The following CDH10 variants were observed in gnomAD, a reference collection of about 807,000 sequenced individuals.
CDH10 encodes cadherin-10.
A neutral mutation model predicts 73.1 loss-of-function variants in CDH10; 30 were observed. The ratio of observed to expected loss-of-function variants is 0.41; its 90% confidence interval spans 0.31 to 0.56. The LOEUF is 0.56. CDH10 is among the 20% of genes least tolerant of loss of function. CDH10 has a pLI of 0.27. For missense variants in CDH10, 815 were observed against 973.7 expected (o/e 0.84, Z 2.17); for synonymous variants, 345 against 348.2 (o/e 0.99, Z 0.10).
intron 5 of CDH10, among the ~76,000 whole-genome samples, chr5:24,525,911 G>C (rs16893489): frequency 0.025 from 3,789 of 152,148 alleles, 73 homozygotes; most frequent in Middle Eastern, 0.1. Flanking sequence ...CTCAAAAATG[G>C]TCTCCAAGTT....
intron 5 of CDH10, among the ~76,000 whole-genome samples, chr5:24,521,313 G>T (rs766252182): frequency 6.6e-6 from 1 of 152,142 alleles, no homozygotes; most frequent in Non-Finnish European, 1.5e-5. Flanking sequence ...GAGAGGCCGA[G>T]GTGGGCGGAT....
intron 2 of CDH10, among the ~76,000 whole-genome samples, chr5:24,561,029 G>A (rs1032103067): frequency 6.6e-6 from 1 of 152,002 alleles, no homozygotes; most frequent in African/African-American, 2.4e-5. Flanking sequence ...AATGACAATC[G>A]TTGTCTTGCA....
chr5:24,515,179 T>G (rs1195297156), intron 5 of CDH10, among the ~76,000 whole-genome samples: 1 of 152,150 alleles, frequency 6.6e-6, no homozygotes, highest in Middle Eastern at 3.2e-3. Flanking sequence ...GCTAATAAAA[T>G]TGAGTACTTA....
chr5:24,629,341 T>G lies in CDH10; in HGVS notation c.-124+15253A>C, dbSNP rs532369423. 4.6e-5 allele frequency among the ~76,000 whole-genome samples: 7 copies of G among 152,244 alleles called. 1 individual carries two copies. The South Asian group carries it at 1.4e-3, about 32-fold the overall frequency. On this transcript the variant is annotated intron_variant, in intron 1 of 11. Transcript: ENST00000264463. ...AAACCACCCAGCAAGAATTTTAAAA[T>G]ATATTTCACCATACCATAACTTCAA... is the stretch of plus-strand genomic sequence containing the variant.
chr5:24,630,698 A>G (rs2112194953), intron 1 of CDH10, among the ~76,000 whole-genome samples: 1 of 152,052 alleles, frequency 6.6e-6, no homozygotes, highest in South Asian at 2.1e-4. Context: ...AATAAAATAA[A>G]TAAACAGAAC....
chr5:24,532,076 T>G (rs948762687), intron 5 of CDH10, among the ~76,000 whole-genome samples: 10 of 152,000 alleles, frequency 6.6e-5, no homozygotes, highest in Admixed American at 2.0e-4. Flanking sequence ...TGAGAAACAT[T>G]GTTATAAATC....
intron 2 of CDH10, among the ~76,000 whole-genome samples, chr5:24,574,947 C>T (rs1505879): frequency 0.38 from 57,342 of 151,404 alleles, 13,242 homozygotes; most frequent in East Asian, 0.53. Context: ...GTACAAATAC[C>T]TCAATATGTT....
intron 1 of CDH10, among the ~76,000 whole-genome samples, chr5:24,626,472 T>G (rs1747503937): frequency 6.6e-6 from 1 of 152,018 alleles, no homozygotes; most frequent in South Asian, 2.1e-4. Context: ...GATAGAAGAG[T>G]TACCCACGTT....
At chr5:24,605,203 G>A (rs1746716255) in intron 1 of CDH10, among the ~76,000 whole-genome samples, 1 of 152,156 alleles carries the variant, frequency 6.6e-6, no homozygotes, top group African/African-American at 2.4e-5. Flanking sequence ...AACATTTTAA[G>A]AAGACATTAC....
Position 24,505,096 on chromosome 5 carries a change from A to G in CDH10, c.1393+16T>C. 6.4e-7 allele frequency: 1 copy of G among 1,571,716 alleles called. No homozygotes were observed. On this transcript the variant is annotated intron_variant, in intron 8 of 11. Transcript: ENST00000264463. ...ACATATCTAGATATATGTTAGATACATAAAATTCATCTTACTGATTTCAGC... is the reference window on the plus strand; with the variant it reads ...ACATATCTAGATATATGTTAGATACGTAAAATTCATCTTACTGATTTCAGC...
At chr5:24,596,752 T>G (rs1423854662) in intron 1 of CDH10, among the ~76,000 whole-genome samples, 2 of 151,974 alleles carry the variant, frequency 1.3e-5, no homozygotes, top group Non-Finnish European at 2.9e-5. Flanking sequence ...CCAGGTGATT[T>G]GAAACGTATT....
chr5:24,548,072 C>T (rs1042421113), intron 2 of CDH10, among the ~76,000 whole-genome samples: 1 of 152,126 alleles, frequency 6.6e-6, no homozygotes, highest in African/African-American at 2.4e-5. Context: ...ATATTCCAGT[C>T]TTGAATCAGA....
chr5:24,528,023 C>T (rs1007451416), intron 5 of CDH10, among the ~76,000 whole-genome samples: 1 of 151,784 alleles, frequency 6.6e-6, no homozygotes, highest in African/African-American at 2.4e-5. Context: ...CATAGTAGGG[C>T]TTCGGTCAAT....
intron 2 of CDH10, among the ~76,000 whole-genome samples, chr5:24,572,952 A>AAAAAAAAAAAAAAAAAAAAAC (rs1745446651): frequency 6.7e-6 from 1 of 150,108 alleles, no homozygotes; most frequent in East Asian, 1.9e-4. Context: ...AAAAAAAAAA[A>AAAAAAAAAAAAAAAAAAAAAC]AAAAGGAGAA....
intron 2 of CDH10, among the ~76,000 whole-genome samples, chr5:24,540,902 A>C (rs1349970935): frequency 1.3e-5 from 2 of 151,986 alleles, no homozygotes; most frequent in South Asian, 4.1e-4. Flanking sequence ...AGAGATATTC[A>C]CTGTAATAAT....
intron 1 of CDH10, among the ~76,000 whole-genome samples, chr5:24,611,194 T>C (rs1746936286): frequency 6.6e-6 from 1 of 152,182 alleles, no homozygotes; most frequent in South Asian, 2.1e-4. Context: ...GACTAGGCCA[T>C]ATTAAGTATC....
chr5:24,588,219 T>C (rs1336952879), intron 2 of CDH10, among the ~76,000 whole-genome samples: 1 of 152,158 alleles, frequency 6.6e-6, no homozygotes, highest in African/African-American at 2.4e-5. Flanking sequence ...TCCAGAAATT[T>C]TTCTAAGTAA....
chr5:24,510,018 G>A (rs1370824859), intron 6 of CDH10, among the ~76,000 whole-genome samples, 199 bp from the exon 7 acceptor site: 1 of 152,052 alleles, frequency 6.6e-6, no homozygotes, highest in East Asian at 1.9e-4. Flanking sequence ...CATTCAATTA[G>A]TAAAACTTCG....
intron 2 of CDH10, among the ~76,000 whole-genome samples, chr5:24,569,777 T>A (rs1460841055): frequency 1.3e-5 from 2 of 152,042 alleles, no homozygotes; most frequent in African/African-American, 4.8e-5. Context: ...TTTTTTTTTT[T>A]TTATTGATGG....
Sources: gnomAD v4.1 joint callset for allele counts (sites outside exome capture counted in the v4.1 genomes callset) on GRCh38, gnomAD v4.1.1 for gene constraint, MANE v1.5 for transcripts, NCBI Gene and HGNC (gene_info 2026-07-23, HGNC 2026-07-21) for gene names.